The following NCALD variants were observed in gnomAD, a reference collection of about 807,000 sequenced individuals.
NCALD encodes the protein neurocalcin-delta.
Under a neutral mutation model 18.6 loss-of-function variants are expected in NCALD, and 10 were observed. The observed-to-expected ratio is 0.54, with a 90% CI of 0.33 to 0.91. The LOEUF (loss-of-function observed/expected upper bound fraction) is 0.91, where lower values mean the gene tolerates loss of function less well. Ranked by LOEUF, NCALD falls within the 40% of genes least tolerant of loss-of-function variation. The pLI is 0.03. For missense variants in NCALD, 184 were observed against 247.6 expected (o/e 0.74, Z 1.72); for synonymous variants, 88 against 87.4 (o/e 1.01, Z -0.04).
intron 1 of NCALD, among the ~76,000 whole-genome samples, chr8:102,057,579 T>G (rs1481158152): frequency 6.6e-6 from 1 of 152,246 alleles, no homozygotes; most frequent in African/African-American, 2.4e-5. Context: ...ATTTTACATT[T>G]CCACCTGCCT....
chr8:101,727,818 C>A (rs1816639979), intron 1 of NCALD, among the ~76,000 whole-genome samples: 1 of 152,220 alleles, frequency 6.6e-6, no homozygotes, highest in African/African-American at 2.4e-5. Flanking sequence ...TCTCTCTGCT[C>A]CAGGCACCTT....
intron 1 of NCALD, among the ~76,000 whole-genome samples, chr8:102,065,936 CTG>C (rs1476836804): frequency 6.6e-6 from 1 of 152,116 alleles, no homozygotes; most frequent in Non-Finnish European, 1.5e-5. Flanking sequence ...GATTTTATAA[CTG>C]TATATGATTT....
chr8:101,777,107 C>T (rs941119577), intron 1 of NCALD, among the ~76,000 whole-genome samples: 3 of 152,176 alleles, frequency 2.0e-5, no homozygotes, highest in Non-Finnish European at 2.9e-5. Flanking sequence ...TCCTCCAAAG[C>T]TTCACATGAC....
intron 4 of NCALD, among the ~76,000 whole-genome samples, chr8:101,849,768 A>C (rs1433586829): frequency 1.3e-5 from 2 of 152,194 alleles, no homozygotes; most frequent in African/African-American, 4.8e-5. Context: ...GAGACAAGCT[A>C]GCGCTAACTT....
chr8:101,763,340 G>A (rs1002191125), intron 1 of NCALD, among the ~76,000 whole-genome samples: 3 of 152,082 alleles, frequency 2.0e-5, no homozygotes, highest in Non-Finnish European at 2.9e-5. Context: ...AGGTGTTGAA[G>A]GTAAACAAAA....
intron 1 of NCALD, among the ~76,000 whole-genome samples, chr8:102,119,686 A>G (rs1825888025): frequency 6.6e-6 from 1 of 152,216 alleles, no homozygotes; most frequent in Non-Finnish European, 1.5e-5. Flanking sequence ...ATGCAAGACC[A>G]CCATCCCCAG....
chr8:102,025,995 C>A (rs1822441402), intron 1 of NCALD, among the ~76,000 whole-genome samples: 1 of 152,110 alleles, frequency 6.6e-6, no homozygotes, highest in South Asian at 2.1e-4. Flanking sequence ...GAAGTATGAG[C>A]AAAAGCAGGG....
At chr8:102,070,086 C>T (rs1025620304) in intron 1 of NCALD, 5 of 149,596 alleles carry the variant, frequency 3.3e-5, no homozygotes, top group Admixed American at 2.7e-4. Flanking sequence ...TGCACTCCAG[C>T]GTGGGTGAGA....
At chr8:102,099,403 T>G (rs1010529330) in intron 1 of NCALD, among the ~76,000 whole-genome samples, 1 of 152,198 alleles carries the variant, frequency 6.6e-6, no homozygotes, top group African/African-American at 2.4e-5. Flanking sequence ...GAATGTTAGA[T>G]CTTAACTTTA....
intron 4 of NCALD, among the ~76,000 whole-genome samples, chr8:101,801,856 C>T (rs1226754610): frequency 6.6e-6 from 1 of 151,466 alleles, no homozygotes; most frequent in Non-Finnish European, 1.5e-5. Context: ...TTAGTAGAGA[C>T]GGGGTTTCAC....
chr8:101,745,268 T>G (rs1810379590), intron 1 of NCALD, among the ~76,000 whole-genome samples: 1 of 152,136 alleles, frequency 6.6e-6, no homozygotes, highest in African/African-American at 2.4e-5. Flanking sequence ...AAAATACACA[T>G]AAACCCAGAC....
chr8:102,087,348 T>C (rs546835354), intron 1 of NCALD, among the ~76,000 whole-genome samples: 1 of 152,148 alleles, frequency 6.6e-6, no homozygotes, highest in Admixed American at 6.6e-5. Flanking sequence ...AAAGAGATGA[T>C]ACTGAAGAAC....
chr8:101,871,009 GA>G (rs1317519098), intron 4 of NCALD, among the ~76,000 whole-genome samples: 1 of 149,634 alleles, frequency 6.7e-6, no homozygotes, highest in East Asian at 2.0e-4. Context: ...AGTCTGGAAA[GA>G]AACCAAAACC....
intron 1 of NCALD, among the ~76,000 whole-genome samples, chr8:101,772,673 C>G (rs1811633253): frequency 1.3e-5 from 2 of 152,138 alleles, no homozygotes; most frequent in Non-Finnish European, 2.9e-5. Flanking sequence ...GCCATTTGGC[C>G]TCCTGGTACC....
At chr8:101,773,005 G>A (rs1213552213) in intron 1 of NCALD, among the ~76,000 whole-genome samples, 2 of 152,076 alleles carry the variant, frequency 1.3e-5, no homozygotes, top group Non-Finnish European at 2.9e-5. Context: ...TGAAGTAGTT[G>A]CAATTTTTTA....
intron 4 of NCALD, among the ~76,000 whole-genome samples, chr8:101,880,116 T>C (rs557654): frequency 0.31 from 46,945 of 150,690 alleles, 8,312 homozygotes; most frequent in African/African-American, 0.46. Context: ...TGGGGCATGG[T>C]GGGCTGCAGG....
At chr8:102,000,598 C>A (rs965724503) in intron 2 of NCALD, among the ~76,000 whole-genome samples, 1 of 152,188 alleles carries the variant, frequency 6.6e-6, no homozygotes, top group Admixed American at 6.5e-5. Flanking sequence ...TCCCTGAACC[C>A]CGAATAGCCT....
rs115603847 is a variant in NCALD at position 102,045,659 on chromosome 8, G to T, written c.-209-25370C>A. On this transcript the variant is annotated intron_variant, in intron 1 of 6. Transcript: ENST00000311028. ...AAACATTTTTTTTAACACAATCCAC[G>T]GAGAACAAAAAAATTCATTGTGACG... 2.6e-4 allele frequency among the ~76,000 whole-genome samples: 40 copies of T among 151,746 alleles called. 1 individual carries two copies. Among genetic ancestry groups the T allele is most frequent in the Admixed American group, 2.4e-3 (37 of 15,250 alleles).
intron 2 of NCALD, among the ~76,000 whole-genome samples, chr8:101,965,341 A>G (rs902758687): frequency 6.6e-6 from 1 of 152,222 alleles, no homozygotes; most frequent in African/African-American, 2.4e-5. Context: ...ACTGTTCACA[A>G]TAGCAAAGAC....
Sources: allele counts gnomAD v4.1 joint callset (sites outside exome capture counted in the v4.1 genomes callset), GRCh38; gene constraint gnomAD v4.1.1; transcripts MANE v1.5; gene names NCBI Gene and HGNC (gene_info 2026-07-23, HGNC 2026-07-21).